The following ABR variants were observed in gnomAD, a reference collection of about 807,000 sequenced individuals.
ABR encodes the protein active breakpoint cluster region-related protein.
A neutral mutation model predicts 107.2 loss-of-function variants in ABR; 35 were observed. The ratio of observed to expected loss-of-function variants is 0.33; its 90% CI spans 0.25 to 0.43. The LOEUF (loss-of-function observed/expected upper bound fraction) is 0.43. ABR is among the 20% of genes least tolerant of loss of function. ABR has a pLI of 1.00. For synonymous variants in ABR, 498 were observed against 462.0 expected (o/e 1.08, Z -1.00); for missense variants, 815 against 1,115.2 (o/e 0.73, Z 3.83).
intron 1 of ABR, among the ~76,000 whole-genome samples, chr17:1,162,218 C>T (rs149623414): frequency 2.2e-3 from 331 of 152,332 alleles, no homozygotes; most frequent in Non-Finnish European, 3.4e-3. Flanking sequence ...CAGAGAACAG[C>T]GCCGTGAACA....
intron 1 of ABR, among the ~76,000 whole-genome samples, chr17:1,198,647 T>C (rs2042614353): frequency 6.6e-6 from 1 of 150,898 alleles, no homozygotes; most frequent in Admixed American, 6.6e-5. Flanking sequence ...TTTTTGTTTT[T>C]GTTTTTGAGA....
intron 10 of ABR, among the ~76,000 whole-genome samples, chr17:1,060,945 T>C (rs1307515289): frequency 3.3e-5 from 5 of 152,092 alleles, no homozygotes; most frequent in African/African-American, 1.2e-4. Flanking sequence ...TGAGCCGAGA[T>C]TGTGCCACTG....
At chr17:1,168,716 C>A in intron 1 of ABR, among the ~76,000 whole-genome samples, 1 of 152,356 alleles carries the variant, frequency 6.6e-6, no homozygotes, top group East Asian at 1.9e-4. Flanking sequence ...CAGGCACCCA[C>A]AACAAGGGCC....
At position 1,050,409 on chromosome 17, in the gene ABR, A is replaced by G; in HGVS notation, c.1659+128T>C. On this transcript the variant is annotated intron_variant, in intron 15 of 22. Transcript: ENST00000302538. The surrounding 1 kb of genome is among the most constrained non-coding windows in gnomAD (Gnocchi z 4.6). ...GACACACACCGCGATCAGAAGCCAG[A>G]GGAGCAGGGAGCAGAAAGGGGGGTG... is the stretch of plus-strand genomic sequence containing the variant. The G allele has an allele frequency of 2.0e-6, 2 of 1,013,996 alleles. No homozygotes were observed. The highest frequency in any genetic ancestry group is 3.0e-6 in the Non-Finnish European group (2 of 663,250). 62.8% of individuals were successfully genotyped at this position (1,013,996 alleles called of 1,614,324 possible).
At chr17:1,061,464 T>A (rs2033916025) in intron 10 of ABR, among the ~76,000 whole-genome samples, 1 of 152,170 alleles carries the variant, frequency 6.6e-6, no homozygotes, top group Non-Finnish European at 1.5e-5. Context: ...TTTCCCCTGT[T>A]CAAAGGGAGA....
At chr17:1,178,852 C>A (rs548597116) in intron 1 of ABR, among the ~76,000 whole-genome samples, 8 of 99,170 alleles carry the variant, frequency 8.1e-5, no homozygotes, top group African/African-American at 3.2e-4. Flanking sequence ...GAGCAAGGTG[C>A]GGTGGTGGGG....
In ABR at chr17:1,067,039, T is replaced by C. The variant is rs371667431; in HGVS notation, c.1182+38A>G. 257 of 1,605,852 alleles carry C rather than the reference T, an allele frequency of 1.6e-4. 2 individuals are homozygous for C. The African/African-American group carries it at 2.9e-3, about 18-fold the overall frequency. On this transcript the variant is annotated intron_variant, in intron 10 of 22. Coordinates refer to ENST00000302538, the MANE Select transcript of ABR (RefSeq NM_021962.5). ...CTCCACCTCCCCCAACACAGCTGGC[T>C]CAAAGGGCCCCAGGCTCAGATACCA...
chr17:1,049,165 C>T (rs1466947176), intron 16 of ABR, among the ~76,000 whole-genome samples: 2 of 152,114 alleles, frequency 1.3e-5, no homozygotes, highest in African/African-American at 2.4e-5. Flanking sequence ...ACAGTTGAGG[C>T]ATAAATGCTG....
At chr17:1,214,249 G>T (rs1209789974) in intron 1 of ABR, among the ~76,000 whole-genome samples, 1 of 145,472 alleles carries the variant, frequency 6.9e-6, no homozygotes, top group East Asian at 2.0e-4. Flanking sequence ...TAAACCTAAA[G>T]ATAAGCTAAC....
At position 1,206,158 on chromosome 17, in the gene ABR, G is replaced by A. The variant is rs545310286; in HGVS notation, c.838+22635C>T. Among the ~76,000 whole-genome samples the A allele has an allele frequency of 4.6e-5, 7 of 152,152 alleles. No homozygotes were observed. In the East Asian group the frequency reaches 1.2e-3, roughly 25 times the overall value. Reference sequence around the variant, plus strand: ...ATTAGCTGGGTGTGGTGGCACACTCGGGAGGATCACTTGAGCCAGAGAGGT... The same window carrying A: ...ATTAGCTGGGTGTGGTGGCACACTCAGGAGGATCACTTGAGCCAGAGAGGT... On this transcript the variant is annotated intron_variant, in intron 1 of 22. Transcript: ENST00000574139.
At chr17:1,217,848 C>T (rs2043043114) in intron 1 of ABR, among the ~76,000 whole-genome samples, 1 of 152,206 alleles carries the variant, frequency 6.6e-6, no homozygotes, top group South Asian at 2.1e-4. Context: ...GCACGTGCCA[C>T]CATGCTCAGC....
intron 16 of ABR, chr17:1,022,621 G>C (rs1044725525): frequency 6.5e-6 from 1 of 154,516 alleles, no homozygotes; most frequent in Non-Finnish European, 1.5e-5. Context: ...GGGGACACCG[G>C]GCCAGGCTCC....
rs541943547 is a variant in ABR, at chr17:1,010,917, C to G, written c.2102-54G>C. On this transcript the variant is annotated intron_variant, in intron 19 of 22. Coordinates refer to ENST00000302538, the MANE Select transcript of ABR (RefSeq NM_021962.5). This position sits in a 1 kb window ranked among gnomAD's most constrained non-coding sequence, Gnocchi z 4.1. ...CCTTAGCTGGGCCAGCAGCCCCGTT[C>G]CACCCCCGACCCATCCTGACACAGC... 1.2e-6 allele frequency: 2 copies of G among 1,602,992 alleles called. No individual in the cohort carries two copies. The highest frequency in any genetic ancestry group is 2.7e-5 in the African/African-American group (2 of 74,924).
upstream of ABR, among the ~76,000 whole-genome samples, chr17:1,192,087 C>T (rs1022680124): frequency 2.2e-4 from 33 of 152,188 alleles, no homozygotes; most frequent in African/African-American, 7.7e-4. Flanking sequence ...TGTTTCCCGC[C>T]CTTCAGTTCC....
chr17:1,093,129 C>G (rs1441863106), intron 3 of ABR, among the ~76,000 whole-genome samples: 1 of 150,980 alleles, frequency 6.6e-6, no homozygotes, highest in South Asian at 2.1e-4. Flanking sequence ...CCAGCCATGT[C>G]GGATTCTGTT....
chr17:1,204,297 T>C (rs1364505766), intron 1 of ABR, among the ~76,000 whole-genome samples: 2 of 152,022 alleles, frequency 1.3e-5, no homozygotes, highest in African/African-American at 2.4e-5. Context: ...TACAAAACAT[T>C]ATCCGGGCGT....
chr17:1,025,652 G>T (rs975693323), intron 16 of ABR, among the ~76,000 whole-genome samples: 2 of 152,110 alleles, frequency 1.3e-5, no homozygotes, highest in African/African-American at 4.8e-5. Flanking sequence ...GGTTTTTTAT[G>T]GCTGAATTCT....
intron 1 of ABR, among the ~76,000 whole-genome samples, chr17:1,206,120 A>C (rs2042784141): frequency 6.6e-6 from 1 of 152,134 alleles, no homozygotes; most frequent in Non-Finnish European, 1.5e-5. Flanking sequence ...GTCTCAAAAA[A>C]AAGAGAAACA....
Position 1,070,393 on chromosome 17 carries a change from T to C in ABR, c.895-303A>G, listed in dbSNP as rs546066975. On this transcript the variant is annotated intron_variant, in intron 8 of 22. Transcript: ENST00000302538. The surrounding 1 kb of genome is among the most constrained non-coding windows in gnomAD (Gnocchi z 4.2). ...TAAGGTGACTCATCGAGATGGTGCATGTGAAACAGCACAGTGCCTGGCACA... is the reference window on the plus strand; with the variant it reads ...TAAGGTGACTCATCGAGATGGTGCACGTGAAACAGCACAGTGCCTGGCACA... Among the ~76,000 whole-genome samples the C allele has an allele frequency of 2.6e-4, 39 of 152,290 alleles. No homozygotes were observed. The highest frequency in any genetic ancestry group is 8.9e-4 in the African/African-American group (37 of 41,566).
Sources: gnomAD v4.1 joint callset for allele counts (sites outside exome capture counted in the v4.1 genomes callset) on GRCh38, gnomAD v4.1.1 for gene constraint, Gnocchi (gnomAD v3.1) non-coding constraint, MANE v1.5 for transcripts, NCBI Gene and HGNC (gene_info 2026-07-23, HGNC 2026-07-21) for gene names.